Variants in PDE4D observed in about 807,000 individuals in gnomAD.
PDE4D encodes the protein phosphodiesterase 4D.
In PDE4D, 24 loss-of-function variants were observed where a neutral mutation model predicts 87.4. The observed-to-expected ratio is 0.27, with a 90% CI of 0.20 to 0.39. PDE4D has a LOEUF of 0.39. Among genes scored for constraint, PDE4D ranks in the 10% least tolerant of loss-of-function variants. The pLI is 1.00. For synonymous variants in PDE4D, 384 were observed against 383.2 expected, an observed-to-expected ratio of 1.00 and a Z score of -0.02; for missense variants, 714 against 1,041.0, an observed-to-expected ratio of 0.69 and a Z score of 4.32.
At chr5:60,214,863 C>T (rs1329065760) in intron 1 of PDE4D, among the ~76,000 whole-genome samples, 1 of 152,144 alleles carries the variant, frequency 6.6e-6, no homozygotes, top group Non-Finnish European at 1.5e-5. Context: ...CCCCAGAAGT[C>T]CTTGAGCCAC....
intron 1 of PDE4D, among the ~76,000 whole-genome samples, chr5:60,257,637 T>A (rs1025877971): frequency 5.9e-5 from 9 of 152,052 alleles, no homozygotes; most frequent in Non-Finnish European, 8.8e-5. Context: ...TCCAGGGATT[T>A]GAGAGGTGAA....
intron 2 of PDE4D, among the ~76,000 whole-genome samples, chr5:60,037,493 T>A (rs1305106368): frequency 2.6e-5 from 4 of 152,202 alleles, no homozygotes; most frequent in Non-Finnish European, 5.9e-5. Context: ...TCTGGGCCCA[T>A]TTGTTTACTT....
chr5:59,149,638 G>C (rs1779167100), intron 5 of PDE4D, among the ~76,000 whole-genome samples: 1 of 149,698 alleles, frequency 6.7e-6, no homozygotes, highest in Non-Finnish European at 1.5e-5. Flanking sequence ...TCCTAGGGCT[G>C]GTTCTCCGTG....
chr5:59,224,247 G>A (rs550539508), intron 1 of PDE4D, among the ~76,000 whole-genome samples: 65 of 150,896 alleles, frequency 4.3e-4, no homozygotes, highest in African/African-American at 1.0e-3. Context: ...ATGCCACTGC[G>A]CTCCAGTCTG....
intron 8 of PDE4D, among the ~76,000 whole-genome samples, 160 bp from the exon 9 acceptor site, chr5:58,991,062 C>G (rs776822832): frequency 3.9e-5 from 6 of 152,128 alleles, no homozygotes; most frequent in Non-Finnish European, 7.3e-5. Flanking sequence ...GGGCAGATCA[C>G]TTGAGGTCAG....
chr5:59,402,169 T>A (rs188619134), intron 1 of PDE4D, among the ~76,000 whole-genome samples: 1 of 152,342 alleles, frequency 6.6e-6, no homozygotes, highest in Non-Finnish European at 1.5e-5. Context: ...TTTATTTTGC[T>A]TTTCCTAAGG....
At chr5:60,117,295 A>G (rs1778256460) in intron 2 of PDE4D, among the ~76,000 whole-genome samples, 1 of 151,972 alleles carries the variant, frequency 6.6e-6, no homozygotes, top group Non-Finnish European at 1.5e-5. Context: ...TTTCTCCTAT[A>G]AGGCCTACTG....
rs73106750 is a variant in PDE4D, at chr5:60,324,829, C to T, written c.-89-139142G>A. Among the ~76,000 whole-genome samples the T allele has an allele frequency of 3.1e-4, 47 of 152,076 alleles. 1 individual carries two copies. Among genetic ancestry groups the T allele is most frequent in the South Asian group, 6.2e-4 (3 of 4,814 alleles). ...TACTGTGAACCTCATATGGTTTCAC[C>T]GTAGGATTTGTGAGATAATCCTATG... On this transcript the variant is annotated intron_variant, in intron 1 of 16. Transcript: ENST00000502484.
chr5:59,817,583 C>G (rs763201538), intron 1 of PDE4D, among the ~76,000 whole-genome samples: 6 of 152,146 alleles, frequency 3.9e-5, no homozygotes, highest in African/African-American at 1.4e-4. Context: ...GTTGAACTCT[C>G]AATGTCACTA....
chr5:59,901,778 A>G (rs778169943), intron 3 of PDE4D, among the ~76,000 whole-genome samples: 2 of 152,174 alleles, frequency 1.3e-5, no homozygotes, highest in Non-Finnish European at 2.9e-5. Flanking sequence ...GACACCATGT[A>G]TTTGAAAAGA....
intron 1 of PDE4D, among the ~76,000 whole-genome samples, chr5:59,644,501 T>C (rs207466064): frequency 6.6e-6 from 1 of 152,198 alleles, no homozygotes; most frequent in African/African-American, 2.4e-5. Flanking sequence ...TTAGTGCCTC[T>C]ATATTTTGCT....
intron 1 of PDE4D, among the ~76,000 whole-genome samples, chr5:59,507,679 A>AAAAAAAAAAAAAAAGAAAAG (rs61334148): frequency 8.4e-5 from 10 of 118,706 alleles, no homozygotes; most frequent in African/African-American, 1.4e-4. Flanking sequence ...AAAAAAAAAA[A>AAAAAAAAAAAAAAAGAAAAG]AAAAGAAAAG....
chr5:60,091,546 T>A (rs758121232), intron 2 of PDE4D, among the ~76,000 whole-genome samples: 3 of 152,166 alleles, frequency 2.0e-5, no homozygotes, highest in Non-Finnish European at 4.4e-5. Context: ...AGAATGTAAA[T>A]TAGTACAGCT....
At chr5:59,313,299 A>G (rs540531866) in intron 1 of PDE4D, among the ~76,000 whole-genome samples, 1 of 152,256 alleles carries the variant, frequency 6.6e-6, no homozygotes, top group Admixed American at 6.5e-5. Context: ...CTTTATTTAT[A>G]TTGCTTATGG....
intron 1 of PDE4D, among the ~76,000 whole-genome samples, chr5:59,468,794 AG>A (rs778429312): frequency 1.3e-5 from 2 of 152,218 alleles, no homozygotes; most frequent in Admixed American, 6.5e-5. Flanking sequence ...ATTATGAGCC[AG>A]AAGACTTTAA....
chr5:60,043,780 G>A (rs967789136), intron 2 of PDE4D, among the ~76,000 whole-genome samples: 2 of 151,526 alleles, frequency 1.3e-5, no homozygotes, highest in Admixed American at 6.6e-5. Context: ...TTTCATTTCT[G>A]ACCGAAAAAT....
intron 2 of PDE4D, among the ~76,000 whole-genome samples, chr5:60,151,409 A>G (rs1475061720): frequency 6.6e-6 from 1 of 152,144 alleles, no homozygotes; most frequent in African/African-American, 2.4e-5. Context: ...ACGTCTTTCA[A>G]TTTATTTGCA....
chr5:60,113,157 G>A (rs981596541), intron 2 of PDE4D, among the ~76,000 whole-genome samples: 4 of 152,092 alleles, frequency 2.6e-5, no homozygotes, highest in Admixed American at 2.6e-4. Flanking sequence ...ATTAAATAAT[G>A]TAACTCTGTG....
intron 1 of PDE4D, among the ~76,000 whole-genome samples, chr5:59,460,522 GA>G (rs1800601699): frequency 6.6e-6 from 1 of 151,814 alleles, no homozygotes; most frequent in Non-Finnish European, 1.5e-5. Flanking sequence ...AGAACACCAT[GA>G]GTGGTACTGT....
Sources: allele counts gnomAD v4.1 joint callset (sites outside exome capture counted in the v4.1 genomes callset), GRCh38; gene constraint gnomAD v4.1.1; transcripts MANE v1.5; gene names NCBI Gene and HGNC (gene_info 2026-07-23, HGNC 2026-07-21).